SRPK2: variants seen among roughly 807,000 people sequenced by gnomAD.
SRPK2 encodes SFRS protein kinase 2.
In SRPK2, 21 loss-of-function variants were observed where a neutral mutation model predicts 90.8. The observed-to-expected ratio is 0.23, with a 90% CI of 0.16 to 0.33. SRPK2 has a LOEUF of 0.33. Among genes scored for constraint, SRPK2 ranks in the 10% least tolerant of loss-of-function variants. The pLI is 1.00. For synonymous variants in SRPK2, 288 were observed against 311.1 expected, an observed-to-expected ratio of 0.93 and a Z score of 0.78; for missense variants, 620 against 869.0, an observed-to-expected ratio of 0.71 and a Z score of 3.60.
chr7:105,158,311 G>A (rs1258232982), intron 7 of SRPK2, among the ~76,000 whole-genome samples: 2 of 151,322 alleles, frequency 1.3e-5, no homozygotes, highest in African/African-American at 4.9e-5. Context: ...CTGGAGTGCA[G>A]TGGCATGATC....
intron 13 of SRPK2, among the ~76,000 whole-genome samples, chr7:105,132,504 A>G (rs536672396): frequency 1.3e-5 from 2 of 152,364 alleles, no homozygotes; most frequent in East Asian, 3.9e-4. Flanking sequence ...CTGTGTCACA[A>G]CAACTGAGTC....
chr7:105,325,807 T>C (rs138665999), intron 2 of SRPK2, among the ~76,000 whole-genome samples: 1 of 152,274 alleles, frequency 6.6e-6, no homozygotes, highest in East Asian at 1.9e-4. Flanking sequence ...TGAGCCTAGA[T>C]CGCACAACTG....
At chr7:105,388,971 C>A, upstream of SRPK2, 1 of 1,094,428 alleles carries the variant, frequency 9.1e-7, no homozygotes, top group South Asian at 4.3e-5. Flanking sequence ...AAGACCCGCC[C>A]CCGTCCGGCC....
intron 2 of SRPK2, among the ~76,000 whole-genome samples, chr7:105,324,014 T>TGTGTGGGTGG (rs2131584583): frequency 6.9e-6 from 1 of 144,524 alleles, no homozygotes; most frequent in East Asian, 2.2e-4. Context: ...TGTGTGTGTG[T>TGTGTGGGTGG]GTGGTGGAGT....
rs1386610851 is a variant in SRPK2, at chr7:105,369,195, G to A, written c.71+19453C>T. On this transcript the variant is annotated intron_variant, in intron 2 of 15. Coordinates refer to ENST00000393651, the MANE Select transcript of SRPK2 (RefSeq NM_182692.3). ...AGAGTCTCACTCTGTTGCCCAGGCT[G>A]CAGTGAAATGGCACAATCTCAGCTC... Among the ~76,000 whole-genome samples the A allele has an allele frequency of 2.0e-5, 3 of 151,682 alleles. No homozygotes were observed. In the South Asian group the frequency reaches 6.2e-4, roughly 32 times the overall value.
At chr7:105,193,481 TTC>T (rs1470182440) in intron 3 of SRPK2, among the ~76,000 whole-genome samples, 1 of 152,232 alleles carries the variant, frequency 6.6e-6, no homozygotes, top group Non-Finnish European at 1.5e-5. Context: ...CCTTCAAATT[TTC>T]TCTTTTTGCT....
intron 2 of SRPK2, among the ~76,000 whole-genome samples, chr7:105,272,948 C>T (rs1055225195): frequency 5.9e-5 from 9 of 152,160 alleles, no homozygotes; most frequent in Non-Finnish European, 1.2e-4. Flanking sequence ...GGCGCGGTGG[C>T]TCACGCCTGT....
intron 2 of SRPK2, among the ~76,000 whole-genome samples, chr7:105,333,190 TCAAA>T (rs770758355): frequency 5.9e-5 from 9 of 152,230 alleles, no homozygotes; most frequent in African/African-American, 9.6e-5. Context: ...TGAGACTCCA[TCAAA>T]CAAACAAACA....
chr7:105,236,558 G>A (rs1800170630), intron 2 of SRPK2, among the ~76,000 whole-genome samples: 1 of 152,050 alleles, frequency 6.6e-6, no homozygotes, highest in Non-Finnish European at 1.5e-5. Context: ...TACAGATGAG[G>A]AAATAGGTTT....
At chr7:105,119,278 G>A (rs1015840696) in intron 15 of SRPK2, among the ~76,000 whole-genome samples, 4 of 152,136 alleles carry the variant, frequency 2.6e-5, no homozygotes, top group Admixed American at 1.3e-4. Context: ...TTCTCAGGAG[G>A]CTTGTTCTGT....
intron 2 of SRPK2, among the ~76,000 whole-genome samples, chr7:105,330,909 C>G (rs755849477): frequency 2.0e-5 from 3 of 152,074 alleles, no homozygotes; most frequent in Non-Finnish European, 4.4e-5. Flanking sequence ...AAGGAGGGTC[C>G]CTTGAATCCA....
In SRPK2 at chr7:105,142,259, T is replaced by C. The variant is rs142298260; in HGVS notation, c.1292A>G (p.Asn431Ser). Reference protein sequence around the residue: ...NPEEYNLDEPNAESDYTYSSS... With the variant: ...NPEEYNLDEPSAESDYTYSSS... ...GCTATATGTGTAATCACTTTCTGCATTTGGCTCATCAAGATTATATTCCTC... is the reference window on the plus strand; with the variant it reads ...GCTATATGTGTAATCACTTTCTGCACTTGGCTCATCAAGATTATATTCCTC... The change falls in exon 11 of 16, where the codon AAT becomes AGT. Residue 431 changes from asparagine (N) to serine (S), a missense_variant. This residue lies in a region of SRPK2 where 243 missense variants were observed against 245.7 expected (regional missense o/e 0.99). Transcript: ENST00000393651. 4.3e-6 allele frequency: 7 copies of C among 1,614,052 alleles called. No homozygotes were observed. The African/African-American group carries it at 9.3e-5, about 22-fold the overall frequency.
rs182269922 is a variant in SRPK2, at chr7:105,222,019, T to C, written c.72-18234A>G. Reference sequence around the variant, plus strand: ...TTAAAAACACTGTAAAATATCACTTTAGCAGGCACTTCATCATACACGTCT... The same window carrying C: ...TTAAAAACACTGTAAAATATCACTTCAGCAGGCACTTCATCATACACGTCT... On this transcript the variant is annotated intron_variant, in intron 2 of 15. Coordinates refer to ENST00000393651, the MANE Select transcript of SRPK2 (RefSeq NM_182692.3). Among the ~76,000 whole-genome samples, 12 of 152,324 alleles carry C rather than the reference T, an allele frequency of 7.9e-5. No homozygotes were observed. In the East Asian group the frequency reaches 2.1e-3, roughly 27 times the overall value.
intron 2 of SRPK2, among the ~76,000 whole-genome samples, chr7:105,386,924 T>C (rs1317030414): frequency 2.0e-5 from 3 of 152,142 alleles, no homozygotes; most frequent in African/African-American, 4.8e-5. Context: ...GATTAATCTG[T>C]GAGAGGAAAA....
At chr7:105,375,353 G>A (rs1820162473) in intron 2 of SRPK2, among the ~76,000 whole-genome samples, 1 of 152,086 alleles carries the variant, frequency 6.6e-6, no homozygotes. Flanking sequence ...AAGTGGGTAT[G>A]GGGGTATAAG....
At chr7:105,238,476 G>A (rs561815642) in intron 2 of SRPK2, among the ~76,000 whole-genome samples, 12 of 152,266 alleles carry the variant, frequency 7.9e-5, no homozygotes, top group Admixed American at 1.3e-4. Context: ...GGTCACAAGC[G>A]GCAAAACTAC....
chr7:105,286,732 TACAA>T (rs1808155227), intron 2 of SRPK2, among the ~76,000 whole-genome samples: 1 of 152,266 alleles, frequency 6.6e-6, no homozygotes, highest in African/African-American at 2.4e-5. Flanking sequence ...TAATTCATTT[TACAA>T]ACAATTAGTC....
intron 2 of SRPK2, among the ~76,000 whole-genome samples, chr7:105,340,826 C>G (rs1221024904): frequency 1.3e-5 from 2 of 152,080 alleles, no homozygotes; most frequent in Non-Finnish European, 2.9e-5. Context: ...TTCAAGCTTT[C>G]AAGAGAATCA....
In SRPK2 at chr7:105,254,906, T is replaced by C. The variant is rs1418059840; in HGVS notation, c.72-51121A>G. On this transcript the variant is annotated intron_variant, in intron 2 of 15. Transcript: ENST00000393651. ...GGTTTCACCATGTTGGCCAGGCTGG[T>C]CTTGAACTCCTGACCTCAGATGATC... is the stretch of plus-strand genomic sequence containing the variant. Among the ~76,000 whole-genome samples, 3 of 151,944 alleles carry C rather than the reference T, an allele frequency of 2.0e-5. No individual in the cohort carries two copies. In the East Asian group the frequency reaches 5.8e-4, roughly 29 times the overall value.
Sources: allele counts gnomAD v4.1 joint callset (sites outside exome capture counted in the v4.1 genomes callset), GRCh38; gene constraint gnomAD v4.1.1; regional missense constraint gnomAD v4.1.1; transcripts MANE v1.5; gene names NCBI Gene and HGNC (gene_info 2026-07-23, HGNC 2026-07-21).